PRKAG2: variants seen among roughly 807,000 people sequenced by gnomAD.
PRKAG2 encodes 5'-AMP-activated protein kinase subunit gamma-2.
A neutral mutation model predicts 69.6 loss-of-function variants in PRKAG2; 26 were observed. The ratio of observed to expected loss-of-function variants is 0.37; its 90% CI spans 0.27 to 0.52. The LOEUF (loss-of-function observed/expected upper bound fraction) is 0.52. Ranked by LOEUF, PRKAG2 falls within the 20% of genes least tolerant of loss-of-function variation. The probability of loss-of-function intolerance (pLI) is 0.90; values close to 1 mark genes in which losing one functional copy is unlikely to be tolerated. For synonymous variants in PRKAG2, 293 were observed against 285.0 expected, an observed-to-expected ratio of 1.03 and a Z score of -0.28; for missense variants, 557 against 740.0, an observed-to-expected ratio of 0.75 and a Z score of 2.87.
rs866043333 is a variant in PRKAG2 at position 151,874,440 on chromosome 7, T to A, written c.114+2067A>T. ...TATATGTATATGTATATGATGTATA[T>A]GTATATGTATATGATGTATATGTAT... On this transcript the variant is annotated intron_variant, in intron 1 of 15. Coordinates refer to ENST00000287878, the MANE Select transcript of PRKAG2 (RefSeq NM_016203.4). Among the ~76,000 whole-genome samples, 116 of 41,286 alleles carry A rather than the reference T, an allele frequency of 2.8e-3. 21 individuals are homozygous for A. In the South Asian group the frequency reaches 0.046, roughly 16 times the overall value. 27.1% of individuals were successfully genotyped at this position (41,286 alleles called of 152,430 possible). A position where few individuals can be genotyped will look rare whatever the true frequency, so the allele number is the denominator to read the frequency against.
At chr7:151,655,705 G>A (rs148318551) in intron 4 of PRKAG2, among the ~76,000 whole-genome samples, 9 of 152,302 alleles carry the variant, frequency 5.9e-5, no homozygotes, top group South Asian at 2.1e-4. Context: ...GGCCCTGTGT[G>A]CTGTGAAACA....
intron 1 of PRKAG2, among the ~76,000 whole-genome samples, chr7:151,827,763 A>AACAAC (rs2078939163): frequency 6.7e-6 from 1 of 148,628 alleles, no homozygotes; most frequent in Non-Finnish European, 1.5e-5. Flanking sequence ...AAAAAAAAAA[A>AACAAC]AAAAAAAAAA....
intron 5 of PRKAG2, among the ~76,000 whole-genome samples, chr7:151,605,094 G>A (rs993561255): frequency 1.3e-5 from 2 of 152,134 alleles, no homozygotes; most frequent in Admixed American, 6.5e-5. Context: ...TCAACTCATC[G>A]CAACCTCCAC....
chr7:151,653,726 C>T (rs1430905869), intron 4 of PRKAG2, among the ~76,000 whole-genome samples: 1 of 152,138 alleles, frequency 6.6e-6, no homozygotes, highest in Non-Finnish European at 1.5e-5. Flanking sequence ...CCTGTAATCC[C>T]AGCTACTTGG....
intron 6 of PRKAG2, among the ~76,000 whole-genome samples, chr7:151,577,945 T>C (rs1230528182): frequency 6.6e-6 from 1 of 150,940 alleles, no homozygotes; most frequent in African/African-American, 2.4e-5. Context: ...GAAGCTGGGA[T>C]AGTAAAATGT....
At chr7:151,606,801 C>T (rs978849741) in intron 5 of PRKAG2, among the ~76,000 whole-genome samples, 5 of 152,162 alleles carry the variant, frequency 3.3e-5, no homozygotes, top group African/African-American at 1.2e-4. Flanking sequence ...GTCTGTGCAA[C>T]AGAGCAAGAC....
Position 151,638,102 on chromosome 7 carries a change from A to G in PRKAG2, c.685-5964T>C, listed in dbSNP as rs1826041849. Among the ~76,000 whole-genome samples, 1 of 152,114 alleles carries G rather than the reference A, an allele frequency of 6.6e-6. No individual in the cohort carries two copies. The highest frequency in any genetic ancestry group is 6.5e-5 in the Admixed American group (1 of 15,274). On this transcript the variant is annotated intron_variant, in intron 4 of 15. Coordinates refer to ENST00000287878, the MANE Select transcript of PRKAG2 (RefSeq NM_016203.4). This position sits in a 1 kb window ranked among gnomAD's most constrained non-coding sequence, Gnocchi z 4.3. ...CACCCAAACCCTCCTGATAATCCAG[A>G]CCGATCTCCCCAGGGAGAACAAAAT... is the stretch of plus-strand genomic sequence containing the variant.
intron 1 of PRKAG2, among the ~76,000 whole-genome samples, chr7:151,799,778 C>G (rs545554281): frequency 1.3e-5 from 2 of 152,274 alleles, no homozygotes; most frequent in South Asian, 4.2e-4. Context: ...GTCTGCTACT[C>G]CCCATTCCAG....
chr7:151,751,304 CG>C (rs1563591265), intron 3 of PRKAG2, among the ~76,000 whole-genome samples: 1 of 151,366 alleles, frequency 6.6e-6, no homozygotes, highest in African/African-American at 2.4e-5. Flanking sequence ...TTAGTAGAGA[CG>C]GGGTTTCACC....
Position 151,603,183 on chromosome 7 carries a change from A to C in PRKAG2, c.755-7729T>G, listed in dbSNP as rs56390910. Among the ~76,000 whole-genome samples the C allele has an allele frequency of 1.0e-3, 110 of 109,878 alleles. 1 individual carries two copies. Among genetic ancestry groups the C allele is most frequent in the South Asian group, 3.1e-3 (9 of 2,908 alleles). 72.1% of individuals were successfully genotyped at this position (109,878 alleles called of 152,430 possible). A position where few individuals can be genotyped will look rare whatever the true frequency, so the allele number is the denominator to read the frequency against. On this transcript the variant is annotated intron_variant, in intron 5 of 15. Coordinates refer to ENST00000287878, the MANE Select transcript of PRKAG2 (RefSeq NM_016203.4). ...CCGTCCTCACCGCACACGGAGGGAC[A>C]CGCTCCGTCCTCACCGCACACGGAG...
intron 13 of PRKAG2, among the ~76,000 whole-genome samples, chr7:151,564,837 A>C (rs886682536): frequency 6.6e-6 from 1 of 152,122 alleles, no homozygotes; most frequent in Non-Finnish European, 1.5e-5. Flanking sequence ...AGTGTGAAGC[A>C]AAGGGTTTGA....
intron 3 of PRKAG2, among the ~76,000 whole-genome samples, chr7:151,718,194 A>G (rs1796467011): frequency 6.6e-6 from 1 of 152,114 alleles, no homozygotes; most frequent in Admixed American, 6.5e-5. Context: ...GGAAAGCCCA[A>G]GGTCACGGTG....
intron 1 of PRKAG2, among the ~76,000 whole-genome samples, chr7:151,822,018 G>C (rs1474474045): frequency 2.0e-5 from 3 of 152,226 alleles, no homozygotes; most frequent in Admixed American, 2.0e-4. Flanking sequence ...AGGCACCCCA[G>C]TGCGTTCCAG....
At chr7:151,584,996 C>T (rs1038582628) in intron 6 of PRKAG2, among the ~76,000 whole-genome samples, 8 of 152,038 alleles carry the variant, frequency 5.3e-5, no homozygotes, top group Admixed American at 5.2e-4. Flanking sequence ...GTCACCTGCC[C>T]GGCACCATGA....
intron 1 of PRKAG2, among the ~76,000 whole-genome samples, chr7:151,794,342 C>T (rs528562186): frequency 1.3e-5 from 2 of 152,272 alleles, no homozygotes; most frequent in South Asian, 2.1e-4. Context: ...ACCCTCCCCG[C>T]AGTTCTGCAT....
At position 151,675,479 on chromosome 7, in the gene PRKAG2, A is replaced by G. The variant is rs1454988182; in HGVS notation, c.625T>C (p.Phe209Leu). Residue 209 changes from phenylalanine to leucine, a missense_variant, in exon 4 of 16, where the codon TTC (phenylalanine) becomes CTC (leucine). Around this residue, in one of 2 missense-constraint regions of PRKAG2, gnomAD observed 352 missense variants for 356.7 expected, o/e 0.99. Transcript: ENST00000287878. ...DTGQRFCPSS[F>L]QSPTRPPLAS... ...AGTGGAGGCCTGGTCGGGCTCTGGA[A>G]GGAAGACGGGCAGAACCTCTGCCCT... is the stretch of plus-strand genomic sequence containing the variant. 1 of 1,614,190 alleles carries G rather than the reference A, an allele frequency of 6.2e-7. No homozygotes were observed. Among genetic ancestry groups the G allele is most frequent in the Admixed American group, 1.7e-5 (1 of 60,012 alleles).
At chr7:151,678,330 A>C (rs1299556740) in intron 3 of PRKAG2, among the ~76,000 whole-genome samples, 3 of 152,118 alleles carry the variant, frequency 2.0e-5, no homozygotes, top group Non-Finnish European at 4.4e-5. Context: ...TGCTGTCCTG[A>C]GCCAAGGGGT....
At chr7:151,560,666 T>C in intron 14 of PRKAG2, 49 bp from the exon 15 acceptor site, 1 of 1,608,118 alleles carries the variant, frequency 6.2e-7, no homozygotes, top group Non-Finnish European at 8.5e-7. Flanking sequence ...TAAAAAAGGT[T>C]TAAAATGGAC....
intron 1 of PRKAG2, among the ~76,000 whole-genome samples, chr7:151,874,080 T>C (rs1477484766): frequency 6.8e-6 from 1 of 147,036 alleles, no homozygotes; most frequent in Non-Finnish European, 1.5e-5. Flanking sequence ...GATGTATATG[T>C]ATATGTATAT....
Sources: allele counts gnomAD v4.1 joint callset (sites outside exome capture counted in the v4.1 genomes callset), GRCh38; gene constraint gnomAD v4.1.1; regional missense constraint gnomAD v4.1.1; non-coding constraint Gnocchi (gnomAD v3.1); transcripts MANE v1.5; gene names NCBI Gene and HGNC (gene_info 2026-07-23, HGNC 2026-07-21).